BMERB1: variants seen among roughly 807,000 people sequenced by gnomAD.
The protein encoded by BMERB1 is bMERB domain containing 1.
BMERB1 carries 12 observed loss-of-function variants against 23.6 expected under a neutral mutation model. The observed-to-expected ratio is 0.51, with a 90% CI of 0.33 to 0.82. BMERB1 has a LOEUF of 0.82. Among genes scored for constraint, BMERB1 ranks in the 40% least tolerant of loss-of-function variants. BMERB1 has a pLI of 0.03. For missense variants in BMERB1, 247 were observed against 255.4 expected (o/e 0.97, Z 0.22); for synonymous variants, 122 against 96.6 (o/e 1.26, Z -1.54).
At chr16:15,570,641 A>G (rs761334225) in intron 3 of BMERB1, among the ~76,000 whole-genome samples, 1 of 152,204 alleles carries the variant, frequency 6.6e-6, no homozygotes, top group Non-Finnish European at 1.5e-5. Context: ...GCGAGTCCGT[A>G]AAGTGAAAGC....
At chr16:15,487,239 C>T (rs1033326070) in intron 1 of BMERB1, among the ~76,000 whole-genome samples, 1 of 152,068 alleles carries the variant, frequency 6.6e-6, no homozygotes, top group African/African-American at 2.4e-5. Flanking sequence ...TCTAAACAGC[C>T]TTATATAAAA....
chr16:15,512,520 G>C (rs972538442), intron 1 of BMERB1, among the ~76,000 whole-genome samples: 1 of 152,138 alleles, frequency 6.6e-6, no homozygotes, highest in Admixed American at 6.5e-5. Context: ...TGAGGCAGGA[G>C]GATTGCTTGA....
chr16:15,534,037 A>G (rs2051996732), intron 2 of BMERB1, among the ~76,000 whole-genome samples: 1 of 152,072 alleles, frequency 6.6e-6, no homozygotes, highest in African/African-American at 2.4e-5. Flanking sequence ...ACTGAATATG[A>G]AACTCAGATG....
At chr16:15,542,473 A>G (rs898851443) in intron 2 of BMERB1, among the ~76,000 whole-genome samples, 2 of 152,024 alleles carry the variant, frequency 1.3e-5, no homozygotes, top group Admixed American at 6.6e-5. Flanking sequence ...GCATACACTC[A>G]GATGTAGTAC....
intron 2 of BMERB1, among the ~76,000 whole-genome samples, chr16:15,529,059 C>CTG (rs2051940551): frequency 6.6e-6 from 1 of 151,796 alleles, no homozygotes; most frequent in Non-Finnish European, 1.5e-5. Flanking sequence ...GAGTCTAGCT[C>CTG]TGTCGCCCAG....
chr16:15,489,145 A>C, intron 1 of BMERB1, among the ~76,000 whole-genome samples: 1 of 152,180 alleles, frequency 6.6e-6, no homozygotes, highest in East Asian at 1.9e-4. Context: ...AAGGGAACAC[A>C]GTGAGCACCT....
At chr16:15,462,430 G>A (rs1389144465) in intron 1 of BMERB1, among the ~76,000 whole-genome samples, 2 of 152,088 alleles carry the variant, frequency 1.3e-5, no homozygotes, top group African/African-American at 4.8e-5. Flanking sequence ...GGGATTACAG[G>A]TGTGAGCCAC....
rs74588638 is a variant in BMERB1, at chr16:15,586,102, T to C, written c.503-615T>C. On this transcript the variant is annotated intron_variant, in intron 5 of 5. Transcript: ENST00000300006. The stretch of plus-strand genomic sequence containing the variant: ...TCAATAAAGTAAAAACTCAATGGAT[T>C]AAATACAGAGACACAGCTGAAGGGA... Among the ~76,000 whole-genome samples, 84 of 152,074 alleles carry C rather than the reference T, an allele frequency of 5.5e-4. 1 individual carries two copies. Among genetic ancestry groups the C allele is most frequent in the East Asian group, 4.2e-3 (22 of 5,182 alleles).
chr16:15,558,047 A>G (rs2030314216), intron 2 of BMERB1, among the ~76,000 whole-genome samples: 1 of 151,944 alleles, frequency 6.6e-6, no homozygotes, highest in South Asian at 2.1e-4. Context: ...CCGTCTCAAA[A>G]AAAAAAATTT....
chr16:15,539,889 T>C (rs901395212), intron 2 of BMERB1, among the ~76,000 whole-genome samples: 2 of 151,476 alleles, frequency 1.3e-5, no homozygotes, highest in Admixed American at 6.6e-5. Flanking sequence ...AGGCAAGGCC[T>C]AGTGGCTCAT....
At chr16:15,447,412 C>T (rs901046392) in intron 1 of BMERB1, among the ~76,000 whole-genome samples, 3 of 152,102 alleles carry the variant, frequency 2.0e-5, no homozygotes, top group Non-Finnish European at 4.4e-5. Flanking sequence ...GGGGAAACCG[C>T]CCCCATGATC....
chr16:15,515,562 A>AT, intron 2 of BMERB1, 134 bp downstream of exon 2: 1 of 1,251,190 alleles, frequency 8.0e-7, no homozygotes, highest in Middle Eastern at 2.4e-4. Flanking sequence ...GCCTCATTTG[A>AT]TTCTCACCAC....
At chr16:15,567,542 G>GT (rs2030607696) in intron 2 of BMERB1, among the ~76,000 whole-genome samples, 1 of 152,186 alleles carries the variant, frequency 6.6e-6, no homozygotes, top group Admixed American at 6.5e-5. Flanking sequence ...GAGGCCAGGA[G>GT]TTTAAGACCA....
intron 2 of BMERB1, among the ~76,000 whole-genome samples, chr16:15,562,507 T>C (rs2030451741): frequency 6.6e-6 from 1 of 152,010 alleles, no homozygotes; most frequent in Admixed American, 6.6e-5. Context: ...GATAATTCTG[T>C]GGTTAGAATC....
intron 1 of BMERB1, among the ~76,000 whole-genome samples, chr16:15,444,180 T>C (rs928760839): frequency 8.4e-5 from 12 of 142,044 alleles, no homozygotes; most frequent in African/African-American, 2.9e-4. Flanking sequence ...GCTTAATGGA[T>C]CCTGGGACTG....
At chr16:15,528,707 C>T (rs746095421) in intron 2 of BMERB1, among the ~76,000 whole-genome samples, 1 of 152,036 alleles carries the variant, frequency 6.6e-6, no homozygotes, top group Non-Finnish European at 1.5e-5. Flanking sequence ...CCTCCCACCC[C>T]CCTCTCCTTC....
intron 1 of BMERB1, chr16:15,502,260 G>A: frequency 1.3e-6 from 2 of 1,547,610 alleles, no homozygotes; most frequent in Non-Finnish European, 1.7e-6. Flanking sequence ...AGGTGCCACT[G>A]GAGAATAACA....
intron 1 of BMERB1, among the ~76,000 whole-genome samples, chr16:15,481,550 A>G (rs1020451224): frequency 3.9e-5 from 6 of 151,928 alleles, no homozygotes; most frequent in African/African-American, 1.2e-4. Flanking sequence ...ACCCAGGTGC[A>G]TGCCCAACTA....
At chr16:15,505,874 C>T (rs1401660223) in intron 1 of BMERB1, among the ~76,000 whole-genome samples, 2 of 137,686 alleles carry the variant, frequency 1.5e-5, no homozygotes, top group African/African-American at 2.8e-5. Context: ...GGTGACAGAG[C>T]GAGACGCCGT....
Sources: gnomAD v4.1 joint callset for allele counts (sites outside exome capture counted in the v4.1 genomes callset) on GRCh38, gnomAD v4.1.1 for gene constraint, MANE v1.5 for transcripts, NCBI Gene and HGNC (gene_info 2026-07-23, HGNC 2026-07-21) for gene names.